CACNA2D3: variants seen among roughly 807,000 people sequenced by gnomAD.
CACNA2D3 encodes voltage-dependent calcium channel subunit alpha-2/delta-3.
A neutral mutation model predicts 160.6 loss-of-function variants in CACNA2D3; 60 were observed. The observed-to-expected ratio is 0.37, with a 90% CI of 0.30 to 0.46. The LOEUF is 0.46. Among genes scored for constraint, CACNA2D3 ranks in the 20% least tolerant of loss-of-function variants. The pLI, the probability that CACNA2D3 is intolerant of heterozygous loss-of-function variation, is 1.00. For missense variants in CACNA2D3, 1,205 were observed against 1,365.0 expected (o/e 0.88, Z 1.85); for synonymous variants, 558 against 492.9 (o/e 1.13, Z -1.75).
At chr3:54,988,761 AATG>A (rs1039137440) in intron 31 of CACNA2D3, among the ~76,000 whole-genome samples, 11 of 152,364 alleles carry the variant, frequency 7.2e-5, no homozygotes, top group African/African-American at 2.2e-4. Context: ...GGAATTCAAA[AATG>A]ATGACCCAGT....
Position 54,794,290 on chromosome 3 carries a change from A to G in CACNA2D3, c.1381-22563A>G, listed in dbSNP as rs542644009. ...TTGTGCCTTTAACTTCTCACAGTCT[A>G]CCTTACTTATAGTGGAAGAAACTTA... On this transcript the variant is annotated intron_variant, in intron 13 of 37. Coordinates refer to ENST00000474759, the MANE Select transcript of CACNA2D3 (RefSeq NM_018398.3). Among the ~76,000 whole-genome samples the G allele has an allele frequency of 1.7e-3, 254 of 152,252 alleles. 2 individuals are homozygous for G. Among genetic ancestry groups the G allele is most frequent in the African/African-American group, 5.7e-3 (239 of 41,572 alleles).
rs150182012 is a variant in CACNA2D3 at position 54,857,973 on chromosome 3, G to A, written c.1626+11506G>A. Among the ~76,000 whole-genome samples, 353 of 152,118 alleles carry A rather than the reference G, an allele frequency of 2.3e-3. 3 individuals are homozygous for A. Among genetic ancestry groups the A allele is most frequent in the African/African-American group, 8.3e-3 (344 of 41,486 alleles). The stretch of plus-strand genomic sequence containing the variant: ...CACTTTAAGGAAATTTGATTTAGAA[G>A]ATAGGATTCTCGGCTGCTTTATTAT... On this transcript the variant is annotated intron_variant, in intron 17 of 37. Transcript: ENST00000474759.
At position 54,204,905 on chromosome 3, in the gene CACNA2D3, T is replaced by C. The variant is rs891633883; in HGVS notation, c.204+81311T>C. Reference sequence around the variant, plus strand: ...CCATCTCCTCAAAGATGAAAGAATATATTGCAGGTAAAAAACAAGAACAGA... The same window carrying C: ...CCATCTCCTCAAAGATGAAAGAATACATTGCAGGTAAAAAACAAGAACAGA... On this transcript the variant is annotated intron_variant, in intron 2 of 37. Coordinates refer to ENST00000474759, the MANE Select transcript of CACNA2D3 (RefSeq NM_018398.3). 2.8e-5 allele frequency among the ~76,000 whole-genome samples: 4 copies of C among 141,986 alleles called. No homozygotes were observed. In the Admixed American group the frequency reaches 2.8e-4, roughly 10 times the overall value. The allele number at this position is 141,986 out of a possible 152,430, so 93.1% of individuals were successfully genotyped here.
At chr3:55,055,016 A>G (rs1020820725) in intron 35 of CACNA2D3, among the ~76,000 whole-genome samples, 1 of 152,042 alleles carries the variant, frequency 6.6e-6, no homozygotes, top group African/African-American at 2.4e-5. Flanking sequence ...GAACTGATAC[A>G]CAGGTGTTAC....
rs66526065 is a variant in CACNA2D3 at position 54,554,870 on chromosome 3, C to CTTTTTTTTTT, written c.545-7918_545-7909dup. On this transcript the variant is annotated intron_variant, in intron 5 of 37. Transcript: ENST00000474759. ...TTTCTTTTCTTTTCTCTCTCACTCTCTTTTTTTTTTTTTTTTTTTTTGGAG... is the reference window on the plus strand; with the variant it reads ...TTTCTTTTCTTTTCTCTCTCACTCTCTTTTTTTTTTTTTTTTTTTTTTTTTTTTTTTGGAG... Among the ~76,000 whole-genome samples the CTTTTTTTTTT allele has an allele frequency of 5.6e-3, 535 of 96,074 alleles. 18 individuals are homozygous for CTTTTTTTTTT. Among genetic ancestry groups the CTTTTTTTTTT allele is most frequent in the African/African-American group, 8.2e-3 (194 of 23,576 alleles). The allele number at this position is 96,074 out of a possible 152,430, so 63.0% of individuals were successfully genotyped here. A position where few individuals can be genotyped will look rare whatever the true frequency, so the allele number is the denominator to read the frequency against.
In CACNA2D3 at chr3:54,662,093, G is replaced by C. The variant is rs558867437; in HGVS notation, c.1167+19852G>C. Among the ~76,000 whole-genome samples the C allele has an allele frequency of 2.0e-5, 3 of 152,038 alleles. 1 individual carries two copies. The East Asian group carries it at 5.8e-4, about 29-fold the overall frequency. ...ATAAGGGCAGATATCATGTTCCTCT[G>C]GGTCACCAGTGGATGCCCAATGCTC... On this transcript the variant is annotated intron_variant, in intron 11 of 37. Transcript: ENST00000474759.
chr3:55,029,185 A>T (rs143044095), intron 35 of CACNA2D3, among the ~76,000 whole-genome samples: 1 of 152,280 alleles, frequency 6.6e-6, no homozygotes, highest in African/African-American at 2.4e-5. Context: ...CACAATAGGG[A>T]CACAGCATTT....
At chr3:54,330,330 C>T (rs986316744) in intron 3 of CACNA2D3, among the ~76,000 whole-genome samples, 4 of 151,662 alleles carry the variant, frequency 2.6e-5, no homozygotes, top group African/African-American at 9.7e-5. Flanking sequence ...TGGAGCATTT[C>T]GTGAGTGTGT....
intron 8 of CACNA2D3, among the ~76,000 whole-genome samples, chr3:54,577,500 CT>C (rs1221629788): frequency 2.0e-5 from 3 of 152,214 alleles, no homozygotes; most frequent in Non-Finnish European, 4.4e-5. Flanking sequence ...ACACATGCCC[CT>C]GTTCCAAAGA....
chr3:55,049,313 C>T (rs1307694122), intron 35 of CACNA2D3, among the ~76,000 whole-genome samples: 2 of 145,808 alleles, frequency 1.4e-5, no homozygotes, highest in African/African-American at 2.7e-5. Flanking sequence ...TCTTTGTTCT[C>T]GTTGGTTTCA....
At chr3:54,862,118 A>G (rs535661216) in intron 17 of CACNA2D3, among the ~76,000 whole-genome samples, 1 of 152,290 alleles carries the variant, frequency 6.6e-6, no homozygotes, top group Admixed American at 6.5e-5. Flanking sequence ...GGCTTAGAGC[A>G]TATGTGTACA....
chr3:54,854,713 G>C (rs17054475), intron 17 of CACNA2D3, among the ~76,000 whole-genome samples: 12,483 of 152,052 alleles, frequency 0.082, 756 homozygotes, highest in East Asian at 0.33. Flanking sequence ...CACCACAGAG[G>C]GGTTGACTGT....
At position 54,818,485 on chromosome 3, in the gene CACNA2D3, T is replaced by C. The variant is rs542464293; in HGVS notation, c.1398+1615T>C. ...CCACTGCGCCCAGCCAGCCATAGAATTGTAAAACAAAGTTCAAAACAAAGC... is the reference window on the plus strand; with the variant it reads ...CCACTGCGCCCAGCCAGCCATAGAACTGTAAAACAAAGTTCAAAACAAAGC... On this transcript the variant is annotated intron_variant, in intron 14 of 37. Coordinates refer to ENST00000474759, the MANE Select transcript of CACNA2D3 (RefSeq NM_018398.3). Among the ~76,000 whole-genome samples, 5 of 152,336 alleles carry C rather than the reference T, an allele frequency of 3.3e-5. No individual in the cohort carries two copies. In the South Asian group the frequency reaches 1.0e-3, roughly 32 times the overall value.
At chr3:54,359,632 A>G (rs1698709267) in intron 3 of CACNA2D3, among the ~76,000 whole-genome samples, 1 of 152,214 alleles carries the variant, frequency 6.6e-6, no homozygotes, top group Non-Finnish European at 1.5e-5. Context: ...TCCATGGTCA[A>G]ACGTATTTGA....
chr3:54,659,480 C>T (rs1483921042), intron 11 of CACNA2D3, among the ~76,000 whole-genome samples: 1 of 152,204 alleles, frequency 6.6e-6, no homozygotes, highest in East Asian at 1.9e-4. Context: ...TACCTTTCAC[C>T]TGATCCCCAG....
chr3:54,465,556 G>A (rs1335090457), intron 4 of CACNA2D3, among the ~76,000 whole-genome samples: 1 of 152,084 alleles, frequency 6.6e-6, no homozygotes, highest in African/African-American at 2.4e-5. Context: ...GATAAGAGTG[G>A]TCTACTGTAC....
intron 11 of CACNA2D3, among the ~76,000 whole-genome samples, chr3:54,661,302 G>A (rs1432641851): frequency 6.6e-6 from 1 of 152,168 alleles, no homozygotes; most frequent in African/African-American, 2.4e-5. Flanking sequence ...AAACTTTAGG[G>A]TTTTTAAGAT....
intron 14 of CACNA2D3, among the ~76,000 whole-genome samples, chr3:54,821,716 C>CCTCT (rs144564494): frequency 6.2e-5 from 7 of 112,798 alleles, no homozygotes; most frequent in East Asian, 2.6e-4. Context: ...TTCCTTCTTT[C>CCTCT]CTCTCTCTCT....
Position 54,642,481 on chromosome 3 carries a change from AT to A in CACNA2D3, c.1167+242del, listed in dbSNP as rs544352782. 2.6e-4 allele frequency among the ~76,000 whole-genome samples: 39 copies of A among 152,308 alleles called. No homozygotes were observed. In the South Asian group the frequency reaches 7.7e-3, roughly 30 times the overall value. On this transcript the variant is annotated intron_variant, in intron 11 of 37. Transcript: ENST00000474759. ...CATAGTGGACGTATTCTGTGAAAAG[AT>A]TCATTGTGAAGTGTGCTTCATCCAT...
Sources: allele counts gnomAD v4.1 joint callset (sites outside exome capture counted in the v4.1 genomes callset), GRCh38; gene constraint gnomAD v4.1.1; transcripts MANE v1.5; gene names NCBI Gene and HGNC (gene_info 2026-07-23, HGNC 2026-07-21).